Variants in WDR36 observed in about 807,000 individuals in gnomAD.
WDR36 encodes WD repeat domain 36.
In WDR36, 63 loss-of-function variants were observed where a neutral mutation model predicts 112.7. The ratio of observed to expected loss-of-function variants is 0.56; its 90% CI spans 0.46 to 0.69. The LOEUF (loss-of-function observed/expected upper bound fraction) is 0.69, where lower values mean the gene tolerates loss of function less well. Ranked by LOEUF, WDR36 falls within the 30% of genes least tolerant of loss-of-function variation. WDR36 has a pLI of 0.00. For synonymous variants in WDR36, 410 were observed against 362.2 expected (o/e 1.13, Z -1.50); for missense variants, 1,226 against 1,070.3 (o/e 1.15, Z -2.03).
chr5:111,118,127 A>T (rs998386067), intron 16 of WDR36, among the ~76,000 whole-genome samples: 3 of 152,164 alleles, frequency 2.0e-5, no homozygotes, highest in African/African-American at 7.2e-5. Context: ...TATAAGATTA[A>T]CACAAACTCA....
chr5:111,125,568 G>T (rs1287717952), intron 21 of WDR36, 40 bp from the exon 22 acceptor site: 8 of 1,577,290 alleles, frequency 5.1e-6, no homozygotes, highest in African/African-American at 4.1e-5. Flanking sequence ...TAAGTTAAAT[G>T]ATTATAATCA....
chr5:111,124,469 TAAG>T (rs1580405728), intron 21 of WDR36, among the ~76,000 whole-genome samples: 2 of 152,164 alleles, frequency 1.3e-5, no homozygotes, highest in Admixed American at 6.5e-5. Flanking sequence ...ATATTTATAA[TAAG>T]GAGATCCTTC....
intron 8 of WDR36, 80 bp from the exon 9 acceptor site, chr5:111,104,617 G>T: frequency 6.2e-7 from 1 of 1,603,486 alleles, no homozygotes; most frequent in South Asian, 1.1e-5. Context: ...AATACCAGTT[G>T]ATTTATGTAG....
chr5:111,116,109 A>ATT (rs397974407), intron 16 of WDR36, among the ~76,000 whole-genome samples: 25 of 144,390 alleles, frequency 1.7e-4, no homozygotes, highest in African/African-American at 6.3e-4. Context: ...TGCCTGGCTA[A>ATT]TTTTTTTTTT....
Position 111,103,272 on chromosome 5 carries a change from T to C in WDR36, c.598-514T>C, listed in dbSNP as rs373777070. On this transcript the variant is annotated intron_variant, in intron 6 of 22. Coordinates refer to ENST00000513710, the MANE Select transcript of WDR36 (RefSeq NM_139281.3). ...CTTGTATTATAGACCATTATAACCA[T>C]AGAATATTAGAACTGGAACAGACTA... Among the ~76,000 whole-genome samples, 14 of 151,776 alleles carry C rather than the reference T, an allele frequency of 9.2e-5. No homozygotes were observed. In the East Asian group the frequency reaches 1.9e-3, roughly 21 times the overall value.
At chr5:111,103,325 A>T (rs947233911) in intron 6 of WDR36, among the ~76,000 whole-genome samples, 9 of 151,746 alleles carry the variant, frequency 5.9e-5, no homozygotes, top group Admixed American at 1.3e-4. Context: ...GCCTTTTCAC[A>T]TGTTTTGTAG....
Position 111,108,596 on chromosome 5 carries a change from G to A in WDR36, c.1326+1157G>A, listed in dbSNP as rs550639255. 6.6e-5 allele frequency among the ~76,000 whole-genome samples: 10 copies of A among 151,486 alleles called. No individual in the cohort carries two copies. In the East Asian group the frequency reaches 1.9e-3, roughly 29 times the overall value. ...GTTTTGAATAATGGTTGTAATAGTA[G>A]TGGTAATTATAATCACAGGTAACAT... On this transcript the variant is annotated intron_variant, in intron 12 of 22. Transcript: ENST00000513710.
intron 11 of WDR36, among the ~76,000 whole-genome samples, 190 bp from the exon 12 acceptor site, chr5:111,107,104 T>C (rs1465239302): frequency 6.6e-6 from 1 of 151,456 alleles, no homozygotes; most frequent in Non-Finnish European, 1.5e-5. Context: ...CATAAACACA[T>C]AAATACACAC....
In WDR36 at chr5:111,107,361, C is replaced by A. The variant is rs779108496; in HGVS notation, c.1248C>A (p.Thr416=). The A allele has an allele frequency of 6.2e-7, 1 of 1,610,568 alleles. No individual in the cohort carries two copies. The highest frequency in any genetic ancestry group is 8.5e-7 in the Non-Finnish European group (1 of 1,177,750). ...ACHQGKLSCS[T]WNYQKSTIGA... The stretch of plus-strand genomic sequence containing the variant: ...ATCAAGGTAAGCTATCTTGCTCAAC[C>A]TGGAATTATCAGAAATCTACAATAG... Residue 416 remains threonine, a synonymous_variant, in exon 12 of 23, where the codon ACC becomes ACA. Transcript: ENST00000513710.
intron 16 of WDR36, among the ~76,000 whole-genome samples, chr5:111,114,024 T>G (rs75870055): frequency 0.012 from 1,764 of 152,228 alleles, 39 homozygotes; most frequent in African/African-American, 0.04. Context: ...CTTAAAGTGG[T>G]GAAAATGTGT....
At chr5:111,105,212 A>G in intron 9 of WDR36, 83 bp from the exon 10 acceptor site, 1 of 1,428,928 alleles carries the variant, frequency 7.0e-7, no homozygotes, top group Non-Finnish European at 9.8e-7. Flanking sequence ...AAGATTTTCA[A>G]ATTGAATTTT....
At chr5:111,097,216 T>C in intron 3 of WDR36, 37 bp downstream of exon 3, 3 of 1,493,582 alleles carry the variant, frequency 2.0e-6, no homozygotes, top group Non-Finnish European at 1.9e-6. Context: ...TCAGTCAGTA[T>C]TTGTTTGTCA....
chr5:111,099,533 G>A (rs6859041), intron 4 of WDR36, among the ~76,000 whole-genome samples: 76,921 of 128,412 alleles, frequency 0.6, 21,059 homozygotes, highest in South Asian at 0.73. Context: ...CCAGGTTCTT[G>A]TTTCAGATTA....
Position 111,104,308 on chromosome 5 carries a change from A to G in WDR36, c.862A>G (p.Arg288Gly), listed in dbSNP as rs760559893. Residue 288 changes from arginine to glycine, a missense_variant, in exon 8 of 23, where the codon AGA (arginine) becomes GGA (glycine). Physicochemically the swap from Arg to Gly is moderately radical, Grantham distance 125. Transcript: ENST00000513710. ...TAIAGLTFLH[R>G]EPLLVTNGAD... ...AATTGCCGGACTGACATTTCTCCAT[A>G]GAGAGCCACTTCTTGTCACAAATGG... 3 of 1,612,004 alleles carry G rather than the reference A, an allele frequency of 1.9e-6. No individual in the cohort carries two copies. The East Asian group carries it at 6.7e-5, about 36-fold the overall frequency.
At position 111,119,624 on chromosome 5, in the gene WDR36, A is replaced by C. The variant is rs147058512; in HGVS notation, c.1904+504A>C. On this transcript the variant is annotated intron_variant, in intron 17 of 22. Transcript: ENST00000513710. Reference sequence around the variant, plus strand: ...AACCTGTAAGGGACTGTCATTGCTCATAATAAATAGAACATCACCTGGGTT... The same window carrying C: ...AACCTGTAAGGGACTGTCATTGCTCCTAATAAATAGAACATCACCTGGGTT... 5.8e-4 allele frequency among the ~76,000 whole-genome samples: 88 copies of C among 152,310 alleles called. 1 individual carries two copies. Among genetic ancestry groups the C allele is most frequent in the African/African-American group, 1.9e-3 (80 of 41,580 alleles).
chr5:111,103,923 CTT>C lies in WDR36; in HGVS notation c.730+8_730+9del, dbSNP rs1332116448. ...CTTCAATTTCATTTCGCACAGGTAA[CTT>C]TTAACATACTTATTGATAGGAGTTA... On this transcript the variant is annotated splice_donor_region_variant and intron_variant, in intron 7 of 22. Coordinates refer to ENST00000513710, the MANE Select transcript of WDR36 (RefSeq NM_139281.3). 6.2e-7 allele frequency: 1 copy of C among 1,610,558 alleles called. No individual in the cohort carries two copies. The highest frequency in any genetic ancestry group is 8.5e-7 in the Non-Finnish European group (1 of 1,177,976).
chr5:111,101,644 A>G (rs1017283927), intron 5 of WDR36, among the ~76,000 whole-genome samples: 1 of 151,864 alleles, frequency 6.6e-6, no homozygotes, highest in Non-Finnish European at 1.5e-5. Context: ...AAAAGCAAAC[A>G]AAAATATTTG....
In WDR36 at chr5:111,123,716, G is replaced by A. The variant is rs181259686; in HGVS notation, c.2149-89G>A. ...AGTTTCATTCCTCTTTTACTTTTTG[G>A]TATTTGTTTTAAAATTGATTTGAAA... On this transcript the variant is annotated intron_variant, in intron 19 of 22. Coordinates refer to ENST00000513710, the MANE Select transcript of WDR36 (RefSeq NM_139281.3). 9.3e-6 allele frequency: 14 copies of A among 1,511,124 alleles called. No homozygotes were observed. In the Admixed American group the frequency reaches 2.1e-4, roughly 23 times the overall value. The allele number at this position is 1,511,124 out of a possible 1,614,324, so 93.6% of individuals were successfully genotyped here.
At chr5:111,119,972 G>A (rs1179348296) in intron 17 of WDR36, among the ~76,000 whole-genome samples, 4 of 151,952 alleles carry the variant, frequency 2.6e-5, no homozygotes, top group Non-Finnish European at 4.4e-5. Context: ...GATTCATAAG[G>A]TGTGGGAAAA....
Sources: gnomAD v4.1 joint callset for allele counts (sites outside exome capture counted in the v4.1 genomes callset) on GRCh38, gnomAD v4.1.1 for gene constraint, MANE v1.5 for transcripts, NCBI Gene and HGNC (gene_info 2026-07-23, HGNC 2026-07-21) for gene names.